DRC9: variants seen among roughly 807,000 people sequenced by gnomAD.
The protein encoded by DRC9 is dynein regulatory complex subunit 9, also known as dynein regulatory complex protein 9.
the DRC9 span, among the ~76,000 whole-genome samples, chr3:197,945,230 T>C: frequency 2.6e-5 from 4 of 152,208 alleles, no homozygotes; most frequent in Non-Finnish European, 5.9e-5. Context: ...GGAAGACAGC[T>C]GCCTTGGTAT....
chr3:197,913,939 A>G, the DRC9 span: 1 of 1,613,966 alleles, frequency 6.2e-7, no homozygotes, highest in African/African-American at 1.3e-5. Flanking sequence ...GGTCTGGGCA[A>G]TCTGCAGCTC....
chr3:197,945,635 T>C, the DRC9 span: 8 of 1,584,314 alleles, frequency 5.0e-6, no homozygotes, highest in African/African-American at 8.1e-5. Context: ...CATTCTTCTG[T>C]AGCTTCGTTA....
At chr3:197,926,430 AG>A in the DRC9 span, among the ~76,000 whole-genome samples, 3 of 152,248 alleles carry the variant, frequency 2.0e-5, no homozygotes, top group Admixed American at 2.0e-4. Context: ...GGACAGCAAG[AG>A]GAGAAAGAAG....
the DRC9 span, chr3:197,889,080 AAGGC>A: frequency 6.5e-6 from 1 of 153,458 alleles, no homozygotes; most frequent in Admixed American, 6.4e-5. Context: ...ATAAATCTAA[AAGGC>A]AGGCAGGAAC....
At chr3:197,912,579 G>A in the DRC9 span, 345 of 863,028 alleles carry the variant, frequency 4.0e-4, no homozygotes, top group African/African-American at 4.9e-3. Flanking sequence ...CTGAAAGAAT[G>A]ATGGTTGGTT....
the DRC9 span, chr3:197,912,695 A>T: frequency 2.5e-6 from 4 of 1,613,708 alleles, no homozygotes; most frequent in Admixed American, 6.7e-5. Context: ...TTTCTAAGGA[A>T]CATTTCAATC....
chr3:197,904,051 T>TAC, the DRC9 span, among the ~76,000 whole-genome samples: 24 of 98,598 alleles, frequency 2.4e-4, no homozygotes, highest in South Asian at 1.6e-3. Flanking sequence ...TATATATACA[T>TAC]ACATATATAT....
chr3:197,945,411 A>G, the DRC9 span, among the ~76,000 whole-genome samples: 1 of 152,208 alleles, frequency 6.6e-6, no homozygotes. Flanking sequence ...CTTCAAGTTC[A>G]GGAGAGACCT....
At chr3:197,950,032 C>T in the DRC9 span, 1 of 929,540 alleles carries the variant, frequency 1.1e-6, no homozygotes, top group Non-Finnish European at 1.4e-6. Context: ...GATGAAAGGA[C>T]TTAGGAAAAT....
At chr3:197,915,983 T>G in the DRC9 span, among the ~76,000 whole-genome samples, 1 of 152,020 alleles carries the variant, frequency 6.6e-6, no homozygotes, top group Non-Finnish European at 1.5e-5. Flanking sequence ...TTCTTTTGTA[T>G]TAAAAAAATT....
chr3:197,912,783 C>T, the DRC9 span: 2 of 1,558,344 alleles, frequency 1.3e-6, no homozygotes, highest in Admixed American at 3.3e-5. Flanking sequence ...TACGTCTTCC[C>T]CGCAGGGCTG....
At chr3:197,898,828 T>G in the DRC9 span, among the ~76,000 whole-genome samples, 1 of 152,190 alleles carries the variant, frequency 6.6e-6, no homozygotes, top group South Asian at 2.1e-4. Flanking sequence ...CAAGGTGAGA[T>G]TTGGGTGGGG....
chr3:197,890,654 C>T, the DRC9 span, among the ~76,000 whole-genome samples: 1 of 152,202 alleles, frequency 6.6e-6, no homozygotes, highest in Admixed American at 6.5e-5. Flanking sequence ...CAAACGTGCT[C>T]TTCAGCTCGT....
chr3:197,950,792 A>C, the DRC9 span: 1 of 691,994 alleles, frequency 1.4e-6, no homozygotes, highest in Non-Finnish European at 2.5e-6. Context: ...TGCGTTTCAT[A>C]TGGATGTTCT....
At chr3:197,932,870 A>ATATACATTATATATGTAGAC in the DRC9 span, among the ~76,000 whole-genome samples, 1 of 136,646 alleles carries the variant, frequency 7.3e-6, no homozygotes. Context: ...TATATGTATA[A>ATATACATTATATATGTAGAC]TATATATTAT....
At chr3:197,943,351 A>G in the DRC9 span, among the ~76,000 whole-genome samples, 1 of 152,230 alleles carries the variant, frequency 6.6e-6, no homozygotes, top group Admixed American at 6.5e-5. Context: ...ATTTCACTCC[A>G]TCAGTTGAGA....
the DRC9 span, among the ~76,000 whole-genome samples, chr3:197,902,011 C>T: frequency 6.6e-6 from 1 of 152,148 alleles, no homozygotes; most frequent in South Asian, 2.1e-4. Context: ...TTCTCAGCTC[C>T]AGGTAGCTCA....
chr3:197,955,880 A>G, the DRC9 span: 1 of 968,036 alleles, frequency 1.0e-6, no homozygotes, highest in Admixed American at 1.7e-5. Context: ...AAAATGATAG[A>G]GGTTGCTCAG....
chr3:197,915,767 T>C, the DRC9 span, among the ~76,000 whole-genome samples: 3 of 151,670 alleles, frequency 2.0e-5, no homozygotes, highest in African/African-American at 7.3e-5. Context: ...GTAGCTGGGA[T>C]TACAGGTGCT....
Sources: allele counts gnomAD v4.1 joint callset (sites outside exome capture counted in the v4.1 genomes callset), GRCh38; gene constraint gnomAD v4.1.1; transcripts MANE v1.5; gene names NCBI Gene and HGNC (gene_info 2026-07-23, HGNC 2026-07-21).